The following PLGRKT variants were observed in gnomAD, a reference collection of about 807,000 sequenced individuals.
PLGRKT encodes the protein plasminogen receptor (KT).
In PLGRKT, 22 loss-of-function variants were observed where a neutral mutation model predicts 18.5. The observed-to-expected ratio is 1.19, with a 90% CI of 0.85 to 1.70. PLGRKT has a LOEUF of 1.70. PLGRKT is among the 40% of genes most tolerant of loss of function. The probability of loss-of-function intolerance (pLI) is 0.00; values close to 1 mark genes in which losing one functional copy is unlikely to be tolerated. For synonymous variants in PLGRKT, 72 were observed against 52.8 expected (o/e 1.36, Z -1.58); for missense variants, 235 against 174.4 (o/e 1.35, Z -1.96).
At chr9:5,421,648 T>G (rs1432976975) in intron 3 of PLGRKT, among the ~76,000 whole-genome samples, 1 of 152,246 alleles carries the variant, frequency 6.6e-6, no homozygotes, top group African/African-American at 2.4e-5. Context: ...AGTGCTTACA[T>G]GGGGCAGATG....
intron 3 of PLGRKT, among the ~76,000 whole-genome samples, chr9:5,365,207 C>T (rs1817359270): frequency 6.6e-6 from 1 of 152,100 alleles, no homozygotes; most frequent in Non-Finnish European, 1.5e-5. Flanking sequence ...CCTACAGAAT[C>T]TTATAGTGCC....
At chr9:5,432,836 C>T (rs1312965899) in intron 2 of PLGRKT, among the ~76,000 whole-genome samples, 1 of 152,184 alleles carries the variant, frequency 6.6e-6, no homozygotes, top group African/African-American at 2.4e-5. Flanking sequence ...GGCGTGATCT[C>T]GGCTGGCTAC....
chr9:5,370,432 T>C (rs1563768306), intron 3 of PLGRKT, among the ~76,000 whole-genome samples: 2 of 152,336 alleles, frequency 1.3e-5, no homozygotes, highest in African/African-American at 4.8e-5. Context: ...ATCATTCTTA[T>C]TGCAGTTTTA....
At chr9:5,421,078 C>G (rs1222382205) in intron 3 of PLGRKT, among the ~76,000 whole-genome samples, 2 of 152,228 alleles carry the variant, frequency 1.3e-5, no homozygotes, top group East Asian at 3.8e-4. Flanking sequence ...CCACGTCACT[C>G]AGAATACATT....
chr9:5,406,021 C>G (rs374665252), intron 3 of PLGRKT, among the ~76,000 whole-genome samples: 1 of 152,152 alleles, frequency 6.6e-6, no homozygotes, highest in African/African-American at 2.4e-5. Flanking sequence ...CTCAACATCA[C>G]TGATCACTAG....
At chr9:5,397,122 G>A (rs867422923) in intron 3 of PLGRKT, among the ~76,000 whole-genome samples, 15 of 151,900 alleles carry the variant, frequency 9.9e-5, no homozygotes, top group South Asian at 6.2e-4. Flanking sequence ...GTATGAATGC[G>A]AAGGCTACAA....
chr9:5,372,528 G>T (rs147267852), intron 3 of PLGRKT, among the ~76,000 whole-genome samples: 3 of 152,178 alleles, frequency 2.0e-5, no homozygotes, highest in African/African-American at 7.2e-5. Context: ...ACATTATCAG[G>T]AATGATGCAG....
chr9:5,418,937 G>A lies in PLGRKT; in HGVS notation c.81+12960C>T, dbSNP rs1236685077. 7 of 783,316 alleles carry A rather than the reference G, an allele frequency of 8.9e-6. No individual in the cohort carries two copies. In the East Asian group the frequency reaches 1.9e-4, roughly 21 times the overall value. The allele number at this position is 783,316 out of a possible 1,614,324, so 48.5% of individuals were successfully genotyped here. A position where few individuals can be genotyped will look rare whatever the true frequency, so the allele number is the denominator to read the frequency against. On this transcript the variant is annotated intron_variant, in intron 3 of 5. Coordinates refer to ENST00000223864, the MANE Select transcript of PLGRKT (RefSeq NM_018465.4). The surrounding 1 kb of genome is among the most constrained non-coding windows in gnomAD (Gnocchi z 4.2). ...ACTAGGGGCTGCAGTAATTAAAACA[G>A]ATCTGACATTCTAGCAGAGTCCTGG...
At chr9:5,371,633 G>A (rs558906892) in intron 3 of PLGRKT, among the ~76,000 whole-genome samples, 11 of 152,262 alleles carry the variant, frequency 7.2e-5, no homozygotes, top group East Asian at 1.9e-4. Context: ...GAAATCAGCA[G>A]CGTGAAAATG....
intron 3 of PLGRKT, among the ~76,000 whole-genome samples, chr9:5,397,161 C>A (rs970705820): frequency 2.6e-5 from 4 of 151,882 alleles, no homozygotes; most frequent in Non-Finnish European, 5.9e-5. Context: ...CTACTAGTGG[C>A]AACAGATTGT....
chr9:5,425,443 T>C (rs868549067), intron 3 of PLGRKT, among the ~76,000 whole-genome samples: 2 of 152,320 alleles, frequency 1.3e-5, no homozygotes, highest in Middle Eastern at 3.4e-3. Context: ...CTTTCATAAA[T>C]TTGGTTAACC....
intron 3 of PLGRKT, among the ~76,000 whole-genome samples, chr9:5,371,142 G>T (rs913462677): frequency 6.6e-6 from 1 of 152,176 alleles, no homozygotes; most frequent in Non-Finnish European, 1.5e-5. Flanking sequence ...ATGTAAAAAT[G>T]AGAATTTCAG....
Position 5,431,961 on chromosome 9 carries a change from G to C in PLGRKT, c.17C>G (p.Ser6Ter), listed in dbSNP as rs771249723. The C allele has an allele frequency of 1.2e-5, 19 of 1,522,636 alleles. No individual in the cohort carries two copies. In the South Asian group the frequency reaches 2.0e-4, roughly 16 times the overall value. The allele number at this position is 1,522,636 out of a possible 1,614,324, so 94.3% of individuals were successfully genotyped here. A position where few individuals can be genotyped will look rare whatever the true frequency, so the allele number is the denominator to read the frequency against. MGFIF[S>*]KSMNESMKNQ... ...TTTCATGCTTTCATTCATAGATTTT[G>C]AAAATATAAACCCCATTTTGACCTA... Residue 6 changes from serine to a stop codon, truncating the protein, a stop_gained, in exon 3 of 6, where the codon TCA (serine) becomes TGA (stop). Transcript: ENST00000223864. LOFTEE classifies it high-confidence loss of function.
chr9:5,361,098 G>T lies in PLGRKT; in HGVS notation c.302C>A (p.Thr101Asn). The T allele has an allele frequency of 1.3e-6, 2 of 1,568,386 alleles. No individual in the cohort carries two copies. Among genetic ancestry groups the T allele is most frequent in the Non-Finnish European group, 1.8e-6 (2 of 1,139,834 alleles). Residue 101 changes from threonine (T) to asparagine (N), a missense_variant, in exon 5 of 6, where the codon ACC becomes AAC. By Grantham distance (65) the Thr-to-Asn change is moderately conservative. Transcript: ENST00000223864. ...CTTACCTTTCATTCTTTCTAAAAGG[G>T]TTCCATAGCCCAAGTCATACTGGTA... is the stretch of plus-strand genomic sequence containing the variant. Reference protein sequence around the residue: ...LTYQYDLGYGTLLERMKGEAE... With the variant: ...LTYQYDLGYGNLLERMKGEAE...
At chr9:5,402,551 T>C (rs985459498) in intron 3 of PLGRKT, among the ~76,000 whole-genome samples, 10 of 151,866 alleles carry the variant, frequency 6.6e-5, no homozygotes, top group African/African-American at 2.2e-4. Context: ...CTGATCCCCA[T>C]CAGAAGCCAG....
intron 1 of PLGRKT, among the ~76,000 whole-genome samples, chr9:5,437,465 C>A (rs1207619270): frequency 6.6e-6 from 1 of 152,248 alleles, no homozygotes; most frequent in Admixed American, 6.5e-5. Flanking sequence ...ACCGCCCTTG[C>A]TCCCTGAGGC....
intron 3 of PLGRKT, among the ~76,000 whole-genome samples, chr9:5,375,239 T>G (rs1193382190): frequency 6.6e-6 from 1 of 152,250 alleles, no homozygotes; most frequent in Non-Finnish European, 1.5e-5. Flanking sequence ...ACTGAAAGCC[T>G]AATTTGATAG....
chr9:5,418,614 C>G lies in PLGRKT; in HGVS notation c.81+13283G>C. 1.4e-6 allele frequency: 1 copy of G among 723,770 alleles called. No homozygotes were observed. The highest frequency in any genetic ancestry group is 2.6e-6 in the Non-Finnish European group (1 of 388,620). 44.8% of individuals were successfully genotyped at this position (723,770 alleles called of 1,614,324 possible). On this transcript the variant is annotated intron_variant, in intron 3 of 5. Coordinates refer to ENST00000223864, the MANE Select transcript of PLGRKT (RefSeq NM_018465.4). The surrounding 1 kb of genome is among the most constrained non-coding windows in gnomAD (Gnocchi z 4.2). Reference sequence around the variant, plus strand: ...TGACGGACTTCTGCCGGTTCCTGGGCAGCAGGTGGCGGCTCATATCTCCGG... The same window carrying G: ...TGACGGACTTCTGCCGGTTCCTGGGGAGCAGGTGGCGGCTCATATCTCCGG...
intron 3 of PLGRKT, among the ~76,000 whole-genome samples, chr9:5,409,857 C>T (rs1586733123): frequency 1.3e-5 from 2 of 152,202 alleles, no homozygotes; most frequent in South Asian, 4.1e-4. Flanking sequence ...CCCAGTGTAT[C>T]TTGGAATACC....
Sources: allele counts gnomAD v4.1 joint callset (sites outside exome capture counted in the v4.1 genomes callset), GRCh38; gene constraint gnomAD v4.1.1; non-coding constraint Gnocchi (gnomAD v3.1); transcripts MANE v1.5; gene names NCBI Gene and HGNC (gene_info 2026-07-23, HGNC 2026-07-21).